PPFIA2: variants seen among roughly 807,000 people sequenced by gnomAD.
The protein encoded by PPFIA2 is PPFI scaffold protein A2, also known as liprin-alpha-2.
Under a neutral mutation model 175.5 loss-of-function variants are expected in PPFIA2, and 46 were observed. That is an observed-to-expected ratio of 0.26 (90% CI 0.21 to 0.34). PPFIA2 has a LOEUF of 0.34. Ranked by LOEUF, PPFIA2 falls within the 10% of genes least tolerant of loss-of-function variation. PPFIA2 has a pLI of 1.00. For synonymous variants in PPFIA2, 568 were observed against 511.4 expected, an observed-to-expected ratio of 1.11 and a Z score of -1.49; for missense variants, 1,179 against 1,506.1, an observed-to-expected ratio of 0.78 and a Z score of 3.60.
intron 3 of PPFIA2, among the ~76,000 whole-genome samples, chr12:81,694,686 C>A (rs1022265045): frequency 6.6e-6 from 1 of 152,134 alleles, no homozygotes; most frequent in African/African-American, 2.4e-5. Flanking sequence ...CCCATGAGGG[C>A]ACTGCATAGT....
At chr12:81,354,201 C>T (rs1410763492) in intron 16 of PPFIA2, among the ~76,000 whole-genome samples, 1 of 152,112 alleles carries the variant, frequency 6.6e-6, no homozygotes, top group African/African-American at 2.4e-5. Context: ...ATGAAATTTG[C>T]CACATTGATT....
At chr12:81,403,481 T>C (rs1004034065) in intron 8 of PPFIA2, among the ~76,000 whole-genome samples, 14 of 152,182 alleles carry the variant, frequency 9.2e-5, no homozygotes, top group Non-Finnish European at 1.5e-4. Context: ...AGGCAACCAA[T>C]AGGTGATGGT....
chr12:81,358,992 T>C (rs1251284324), intron 15 of PPFIA2, among the ~76,000 whole-genome samples: 1 of 152,084 alleles, frequency 6.6e-6, no homozygotes, highest in Non-Finnish European at 1.5e-5. Flanking sequence ...TACCCTATAA[T>C]CAAAGTGCAG....
intron 3 of PPFIA2, among the ~76,000 whole-genome samples, chr12:81,726,876 C>T (rs2080155421): frequency 6.6e-6 from 1 of 151,252 alleles, no homozygotes; most frequent in Admixed American, 6.6e-5. Flanking sequence ...CCCTGAGAAC[C>T]ATTGAATGAC....
chr12:81,513,916 T>C (rs2062089637), intron 4 of PPFIA2, among the ~76,000 whole-genome samples: 1 of 152,014 alleles, frequency 6.6e-6, no homozygotes. Flanking sequence ...TAAATGATTT[T>C]CCTCTCAGTG....
chr12:81,277,008 A>G (rs2040695103), intron 28 of PPFIA2, among the ~76,000 whole-genome samples: 1 of 152,200 alleles, frequency 6.6e-6, no homozygotes, highest in Non-Finnish European at 1.5e-5. Flanking sequence ...TTCCATTAAA[A>G]GTCTGACAAA....
At position 81,277,408 on chromosome 12, in the gene PPFIA2, A is replaced by G. The variant is rs1458177726; in HGVS notation, c.3219T>C (p.Ser1073=). The G allele has an allele frequency of 6.0e-6, 9 of 1,500,104 alleles. No individual in the cohort carries two copies. The South Asian group carries it at 9.3e-5, about 16-fold the overall frequency. 92.9% of individuals were successfully genotyped at this position (1,500,104 alleles called of 1,614,324 possible). ...TTAAGCACATAATTCCATATTGTAAACTTGTTCTTTTTTTTTTATTAAAAA... is the reference window on the plus strand; with the variant it reads ...TTAAGCACATAATTCCATATTGTAAGCTTGTTCTTTTTTTTTTATTAAAAA... ...LKMVDSFHRT[S]LQYGIMCLKR... is the part of the protein sequence containing the mutation. The change falls in exon 28 of 33, where the codon AGT becomes AGC. Residue 1073 remains serine (S), a synonymous_variant. Transcript: ENST00000549396.
At chr12:81,575,716 T>G (rs570014572) in intron 4 of PPFIA2, among the ~76,000 whole-genome samples, 1 of 151,808 alleles carries the variant, frequency 6.6e-6, no homozygotes, top group Non-Finnish European at 1.5e-5. Context: ...CATATCTATT[T>G]GGTCAGGAAA....
chr12:81,401,079 A>C (rs536886691), intron 8 of PPFIA2, among the ~76,000 whole-genome samples: 109 of 152,036 alleles, frequency 7.2e-4, no homozygotes, highest in African/African-American at 2.6e-3. Context: ...TGTCTTCACC[A>C]CTCACCTTGT....
chr12:81,611,381 C>G (rs2060893088), intron 4 of PPFIA2, among the ~76,000 whole-genome samples: 1 of 152,190 alleles, frequency 6.6e-6, no homozygotes, highest in Admixed American at 6.5e-5. Context: ...GGGTTCCTCC[C>G]CTGCCTGAGT....
intron 7 of PPFIA2, among the ~76,000 whole-genome samples, chr12:81,416,488 A>T (rs1382499080): frequency 6.6e-6 from 1 of 151,578 alleles, no homozygotes; most frequent in Non-Finnish European, 1.5e-5. Context: ...ATATGGTAAA[A>T]TCTCCATCAC....
At chr12:81,471,346 T>TA (rs1483850742) in intron 4 of PPFIA2, 2 of 151,638 alleles carry the variant, frequency 1.3e-5, no homozygotes, top group South Asian at 4.2e-4. Flanking sequence ...TTTATTTTGG[T>TA]AAAAAAGAGA....
At chr12:81,290,067 A>G (rs1482647257) in intron 24 of PPFIA2, among the ~76,000 whole-genome samples, 2 of 151,756 alleles carry the variant, frequency 1.3e-5, no homozygotes, top group African/African-American at 4.8e-5. Flanking sequence ...AGTAGAATAA[A>G]TAAATAAATA....
chr12:81,409,088 T>C (rs1592537764), intron 7 of PPFIA2, among the ~76,000 whole-genome samples: 1 of 152,156 alleles, frequency 6.6e-6, no homozygotes, highest in Non-Finnish European at 1.5e-5. Context: ...CAGACTTCTT[T>C]AGGAAATTCT....
At chr12:81,624,481 T>C (rs1487290650) in intron 4 of PPFIA2, among the ~76,000 whole-genome samples, 1 of 146,828 alleles carries the variant, frequency 6.8e-6, no homozygotes, top group Non-Finnish European at 1.5e-5. Context: ...TATATATATA[T>C]CATACATTAA....
chr12:81,497,030 A>G (rs1435137924), intron 4 of PPFIA2, among the ~76,000 whole-genome samples: 1 of 152,164 alleles, frequency 6.6e-6, no homozygotes, highest in Non-Finnish European at 1.5e-5. Flanking sequence ...TAAGTCAACA[A>G]TCAGTAATAA....
At chr12:81,496,563 G>A (rs953288432) in intron 4 of PPFIA2, among the ~76,000 whole-genome samples, 20 of 152,056 alleles carry the variant, frequency 1.3e-4, no homozygotes, top group Admixed American at 1.2e-3. Context: ...ATGTGTTGAG[G>A]AAAGAAATAG....
At chr12:81,516,628 A>G (rs556244554) in intron 4 of PPFIA2, among the ~76,000 whole-genome samples, 1 of 152,276 alleles carries the variant, frequency 6.6e-6, no homozygotes, top group Non-Finnish European at 1.5e-5. Context: ...GTCATCTACA[A>G]CACAAGGAAT....
At chr12:81,643,726 G>A (rs2065674494) in intron 4 of PPFIA2, among the ~76,000 whole-genome samples, 1 of 151,954 alleles carries the variant, frequency 6.6e-6, no homozygotes, top group Non-Finnish European at 1.5e-5. Flanking sequence ...AAAATCCCAT[G>A]TTTAAAACAA....
Sources: gnomAD v4.1 joint callset for allele counts (sites outside exome capture counted in the v4.1 genomes callset) on GRCh38, gnomAD v4.1.1 for gene constraint, MANE v1.5 for transcripts, NCBI Gene and HGNC (gene_info 2026-07-23, HGNC 2026-07-21) for gene names.